The following CAMSAP1 variants were observed in gnomAD, a reference collection of about 807,000 sequenced individuals.
CAMSAP1 encodes the protein calmodulin-regulated spectrin-associated protein 1.
CAMSAP1 carries 58 observed loss-of-function variants against 143.5 expected under a neutral mutation model. That is an observed-to-expected ratio of 0.40 (90% CI 0.33 to 0.50). The LOEUF is 0.50. CAMSAP1 is among the 20% of genes least tolerant of loss of function. The probability of loss-of-function intolerance (pLI) is 0.45; values close to 1 mark genes in which losing one functional copy is unlikely to be tolerated. For missense variants in CAMSAP1, 1,969 were observed against 2,115.7 expected (o/e 0.93, Z 1.36); for synonymous variants, 945 against 859.3 (o/e 1.10, Z -1.74).
At chr9:135,866,181 C>T (rs928318192) in intron 4 of CAMSAP1, among the ~76,000 whole-genome samples, 45 of 152,314 alleles carry the variant, frequency 3.0e-4, no homozygotes, top group Admixed American at 1.9e-3. Flanking sequence ...GTGGGCCCTA[C>T]GTCCCTCACT....
chr9:135,893,150 ACAG>A (rs1838339119), intron 1 of CAMSAP1, among the ~76,000 whole-genome samples: 2 of 152,014 alleles, frequency 1.3e-5, no homozygotes, highest in South Asian at 4.2e-4. Context: ...AGCCTGGGAG[ACAG>A]AATGAGATCC....
chr9:135,822,699 T>C lies in CAMSAP1; in HGVS notation c.1962A>G (p.Pro654=). Residue 654 remains proline (P), a synonymous_variant, in exon 11 of 17, where the codon CCA becomes CCG. Transcript: ENST00000389532. This position sits in a 1 kb window ranked among gnomAD's most constrained non-coding sequence, Gnocchi z 6.1. ...CGATGCCCATGGGGAATTCTGAGCATGGAATCGGGGTAAAAGTCCTATTCA... is the reference window on the plus strand; with the variant it reads ...CGATGCCCATGGGGAATTCTGAGCACGGAATCGGGGTAAAAGTCCTATTCA... ...RDLNRTFTPI[P]CSEFPMGIDP... is the part of the protein sequence containing the mutation. 1.9e-6 allele frequency: 3 copies of C among 1,610,496 alleles called. No homozygotes were observed. Among genetic ancestry groups the C allele is most frequent in the Non-Finnish European group, 1.7e-6 (2 of 1,178,018 alleles).
intron 1 of CAMSAP1, among the ~76,000 whole-genome samples, chr9:135,890,074 C>T (rs1255364685): frequency 6.6e-6 from 1 of 152,160 alleles, no homozygotes; most frequent in African/African-American, 2.4e-5. Flanking sequence ...CTTCCAGGCA[C>T]GGTGGACCCT....
chr9:135,862,757 G>A (rs1345588175), intron 4 of CAMSAP1, 149 bp from the exon 5 acceptor site: 17 of 871,104 alleles, frequency 2.0e-5, no homozygotes, highest in East Asian at 5.3e-5. Flanking sequence ...AGTTAGAAAC[G>A]TCTGGATTAC....
chr9:135,888,843 G>A (rs2131000850), intron 1 of CAMSAP1, among the ~76,000 whole-genome samples: 1 of 152,350 alleles, frequency 6.6e-6, no homozygotes, highest in Non-Finnish European at 1.5e-5. Flanking sequence ...ACAGGGCCAA[G>A]ACCACCTGAC....
Position 135,821,765 on chromosome 9 carries a change from CCT to C in CAMSAP1, c.2894_2895del (p.Glu965GlyfsTer21). ...EDFLVKEEQR[E>X]ELLHEPQDVD... is the part of the protein sequence containing the mutation. ...ACATCCTGTGGCTCGTGAAGGAGCT[CCT>C]CTCTCTGCTCCTCCTTCACGAGAAA... is the stretch of plus-strand genomic sequence containing the variant. On this transcript the variant is annotated frameshift_variant, in exon 11 of 17. Transcript: ENST00000389532. LOFTEE classifies it high-confidence loss of function. This position sits in a 1 kb window ranked among gnomAD's most constrained non-coding sequence, Gnocchi z 4.6. 1 of 1,613,954 alleles carries C rather than the reference CCT, an allele frequency of 6.2e-7. No individual in the cohort carries two copies. Among genetic ancestry groups the C allele is most frequent in the Non-Finnish European group, 8.5e-7 (1 of 1,179,886 alleles).
At chr9:135,875,366 T>C (rs770973423) in intron 3 of CAMSAP1, among the ~76,000 whole-genome samples, 2 of 151,964 alleles carry the variant, frequency 1.3e-5, no homozygotes, top group Non-Finnish European at 2.9e-5. Context: ...TGTGCCACCA[T>C]GCCTGGCTAG....
chr9:135,871,528 TTG>T (rs1478324759), intron 3 of CAMSAP1, among the ~76,000 whole-genome samples: 1 of 152,206 alleles, frequency 6.6e-6, no homozygotes, highest in Non-Finnish European at 1.5e-5. Context: ...CACTAAAACA[TTG>T]TTAGTATTAA....
At chr9:135,885,141 C>T (rs1838082942) in intron 1 of CAMSAP1, among the ~76,000 whole-genome samples, 1 of 152,140 alleles carries the variant, frequency 6.6e-6, no homozygotes, top group East Asian at 1.9e-4. Context: ...GCTCCATCCC[C>T]ATCTCCTAGG....
At chr9:135,870,688 G>T (rs988098036) in intron 3 of CAMSAP1, among the ~76,000 whole-genome samples, 3 of 152,162 alleles carry the variant, frequency 2.0e-5, no homozygotes, top group Non-Finnish European at 2.9e-5. Flanking sequence ...CCAGTTACTT[G>T]GGAGGCTAAG....
chr9:135,821,842 G>A lies in CAMSAP1; in HGVS notation c.2819C>T (p.Ser940Phe). The A allele has an allele frequency of 1.9e-6, 3 of 1,614,042 alleles. No individual in the cohort carries two copies. The highest frequency in any genetic ancestry group is 2.5e-6 in the Non-Finnish European group (3 of 1,179,906). ...CCCACAGTCCTCCCCGTTGTGCTGA[G>A]AGTACTCCTTTGCAAAGTGCTCCGG... ...LRPEHFAKEY[S>F]QHNGEDCGDA... Residue 940 changes from serine (S) to phenylalanine (F), a missense_variant, in exon 11 of 17, where the codon TCT becomes TTT. Around this residue, in one of 4 missense-constraint regions of CAMSAP1, gnomAD observed 1,390 missense variants for 1,420.8 expected, o/e 0.98. Transcript: ENST00000389532. The surrounding 1 kb of genome is among the most constrained non-coding windows in gnomAD (Gnocchi z 4.6).
At chr9:135,854,980 C>T (rs1484051068) in intron 5 of CAMSAP1, among the ~76,000 whole-genome samples, 16 of 151,928 alleles carry the variant, frequency 1.1e-4, no homozygotes. Flanking sequence ...TTCTTAAGTT[C>T]TTATCATTTA....
At chr9:135,848,746 T>C (rs1836667626) in intron 7 of CAMSAP1, among the ~76,000 whole-genome samples, 1 of 152,244 alleles carries the variant, frequency 6.6e-6, no homozygotes, top group Non-Finnish European at 1.5e-5. Flanking sequence ...GAGGCACATC[T>C]GGGAGCTTCT....
At chr9:135,900,420 A>AC (rs1178040539) in intron 1 of CAMSAP1, among the ~76,000 whole-genome samples, 2 of 152,086 alleles carry the variant, frequency 1.3e-5, no homozygotes, top group African/African-American at 4.8e-5. Flanking sequence ...AGGGCCGGGC[A>AC]CGGTGGCTCA....
Position 135,881,813 on chromosome 9 carries a change from G to A in CAMSAP1, c.424-19C>T, listed in dbSNP as rs929695065. On this transcript the variant is annotated intron_variant, in intron 2 of 16. Coordinates refer to ENST00000389532, the MANE Select transcript of CAMSAP1 (RefSeq NM_015447.4). Reference sequence around the variant, plus strand: ...GGGCACTCTAGGGGCAGAGGCAGCAGCTATAATCCCTCAAACCCACCCCTC... The same window carrying A: ...GGGCACTCTAGGGGCAGAGGCAGCAACTATAATCCCTCAAACCCACCCCTC... 1.3e-6 allele frequency: 2 copies of A among 1,550,954 alleles called. No homozygotes were observed. Among genetic ancestry groups the A allele is most frequent in the African/African-American group, 1.4e-5 (1 of 73,038 alleles).
At chr9:135,874,470 C>T in intron 3 of CAMSAP1, among the ~76,000 whole-genome samples, 1 of 51,242 alleles carries the variant, frequency 2.0e-5, no homozygotes, top group Middle Eastern at 0.019. Context: ...GAGACCCTGT[C>T]TCAAAAAAGG....
intron 3 of CAMSAP1, among the ~76,000 whole-genome samples, chr9:135,879,859 G>C (rs532017959): frequency 7.9e-5 from 12 of 151,686 alleles, no homozygotes; most frequent in Non-Finnish European, 1.6e-4. Flanking sequence ...GCTGAAATCA[G>C]ATATCTGGCC....
At position 135,836,227 on chromosome 9, in the gene CAMSAP1, C is replaced by T. The variant is rs973592211; in HGVS notation, c.1046-8643G>A. ...GCCACACATCGCCAAGTACCTTCTA[C>T]CCTGTTCTACAGAAACACGTCACCA... is the stretch of plus-strand genomic sequence containing the variant. On this transcript the variant is annotated intron_variant, in intron 7 of 16. Coordinates refer to ENST00000389532, the MANE Select transcript of CAMSAP1 (RefSeq NM_015447.4). The T allele has an allele frequency of 3.7e-5, 36 of 985,146 alleles. No individual in the cohort carries two copies. The Admixed American group carries it at 2.0e-3, about 54-fold the overall frequency. 61.0% of individuals were successfully genotyped at this position (985,146 alleles called of 1,614,324 possible). A position where few individuals can be genotyped will look rare whatever the true frequency, so the allele number is the denominator to read the frequency against.
At chr9:135,817,058 CAGA>C (rs1244354072) in intron 14 of CAMSAP1, among the ~76,000 whole-genome samples, 2 of 152,148 alleles carry the variant, frequency 1.3e-5, no homozygotes, top group African/African-American at 2.4e-5. Context: ...GAGAGGCAGC[CAGA>C]AGGATAACTG....
Sources: gnomAD v4.1 joint callset for allele counts (sites outside exome capture counted in the v4.1 genomes callset) on GRCh38, gnomAD v4.1.1 for gene constraint, gnomAD v4.1.1 regional missense constraint, Gnocchi (gnomAD v3.1) non-coding constraint, MANE v1.5 for transcripts, NCBI Gene and HGNC (gene_info 2026-07-23, HGNC 2026-07-21) for gene names.